The following KIF26A variants were observed in gnomAD, a reference collection of about 807,000 sequenced individuals.
The protein encoded by KIF26A is kinesin family member 26A, also known as kinesin-like protein KIF26A.
KIF26A carries 74 observed loss-of-function variants against 126.0 expected under a neutral mutation model. That is an observed-to-expected ratio of 0.59 (90% CI 0.49 to 0.71). The LOEUF is 0.71. Ranked by LOEUF, KIF26A falls within the 30% of genes least tolerant of loss-of-function variation. KIF26A has a pLI of 0.00. For missense variants in KIF26A, 2,984 were observed against 2,763.3 expected (o/e 1.08, Z -1.79); for synonymous variants, 1,445 against 1,232.7 (o/e 1.17, Z -3.61).
intron 4 of KIF26A, among the ~76,000 whole-genome samples, chr14:104,161,434 G>A (rs1005387461): frequency 5.3e-5 from 8 of 152,190 alleles, no homozygotes; most frequent in Non-Finnish European, 1.0e-4. Flanking sequence ...GTAATTAAGG[G>A]CCTCACCATC....
At position 104,175,647 on chromosome 14, in the gene KIF26A, C is replaced by A. The variant is rs368544866; in HGVS notation, c.2859C>A (p.Pro953=). The change falls in exon 12 of 15, where the codon CCC becomes CCA. Residue 953 remains proline, a synonymous_variant. Transcript: ENST00000423312. ...GGRRPLPSPA[P]PPPQLLEACR... Reference sequence around the variant, plus strand: ...GGAGGCCACTGCCCAGCCCGGCTCCCCCACCTCCTCAGTTGCTGGAAGCCT... The same window carrying A: ...GGAGGCCACTGCCCAGCCCGGCTCCACCACCTCCTCAGTTGCTGGAAGCCT... 2 of 1,610,164 alleles carry A rather than the reference C, an allele frequency of 1.2e-6. No homozygotes were observed. The highest frequency in any genetic ancestry group is 1.7e-6 in the Non-Finnish European group (2 of 1,179,354).
intron 5 of KIF26A, among the ~76,000 whole-genome samples, chr14:104,168,388 C>G (rs966951732): frequency 6.6e-6 from 1 of 152,228 alleles, no homozygotes; most frequent in Non-Finnish European, 1.5e-5. Flanking sequence ...CAGGGCAGCC[C>G]TGGCCTGAAT....
chr14:104,162,827 C>G (rs867812952), intron 4 of KIF26A, among the ~76,000 whole-genome samples: 1 of 152,160 alleles, frequency 6.6e-6, no homozygotes, highest in East Asian at 1.9e-4. Context: ...GCTCCCTGTC[C>G]CTTATAGGGG....
At chr14:104,165,459 G>A (rs62644843) in intron 4 of KIF26A, among the ~76,000 whole-genome samples, 2,295 of 147,354 alleles carry the variant, frequency 0.016, 101 homozygotes, top group African/African-American at 0.055. Flanking sequence ...TTCTGTATGC[G>A]TGTGTGTGTG....
chr14:104,146,576 C>G (rs894105573), intron 2 of KIF26A, among the ~76,000 whole-genome samples: 3 of 152,054 alleles, frequency 2.0e-5, no homozygotes, highest in Non-Finnish European at 4.4e-5. Context: ...TGCTGCCCCA[C>G]GTGGTGGGGA....
intron 1 of KIF26A, 55 bp from the exon 2 acceptor site, chr14:104,138,988 T>C: frequency 7.6e-7 from 1 of 1,322,194 alleles, no homozygotes; most frequent in Non-Finnish European, 9.6e-7. Context: ...CGCAGGGGTC[T>C]GGATCCGACG....
chr14:104,142,723 G>C (rs555209447), intron 2 of KIF26A, among the ~76,000 whole-genome samples: 5 of 152,284 alleles, frequency 3.3e-5, no homozygotes, highest in Admixed American at 3.3e-4. Flanking sequence ...ACCGCAAACT[G>C]TTGTGGCAGA....
chr14:104,176,718 C>T lies in KIF26A; in HGVS notation c.3930C>T (p.Ala1310=), dbSNP rs762066857. Residue 1310 remains alanine, a synonymous_variant, in exon 12 of 15, where the codon GCC becomes GCT. Coordinates refer to ENST00000423312, the MANE Select transcript of KIF26A (RefSeq NM_015656.2). ...VARIPPLRRG[A]TTLGVTTPAV... The stretch of plus-strand genomic sequence containing the variant: ...GGATCCCACCGCTGCGGAGGGGTGC[C>T]ACCACGCTGGGTGTGACAACGCCAG... 1 of 1,585,226 alleles carries T rather than the reference C, an allele frequency of 6.3e-7. No individual in the cohort carries two copies. The highest frequency in any genetic ancestry group is 1.1e-5 in the South Asian group (1 of 87,824).
chr14:104,172,488 G>GCATGTGCCAGGACAGAC, intron 6 of KIF26A, 87 bp from the exon 7 acceptor site: 1 of 897,442 alleles, frequency 1.1e-6, no homozygotes, highest in Non-Finnish European at 1.7e-6. Context: ...TCGACTGCCT[G>GCATGTGCCAGGACAGAC]CATGTGCCAG....
In KIF26A at chr14:104,171,752, A is replaced by G; in HGVS notation, c.1143A>G (p.Ala381=). 6.3e-7 allele frequency: 1 copy of G among 1,580,084 alleles called. No homozygotes were observed. Among genetic ancestry groups the G allele is most frequent in the Non-Finnish European group, 8.6e-7 (1 of 1,164,298 alleles). ...AGGTTATGCTGCGGATCTGGCCCGC[A>G]CAGGGGGCCCAGCGCTCGGCCGAGG... ...KVKVMLRIWP[A]QGAQRSAEAM... is the part of the protein sequence containing the mutation. Residue 381 remains alanine, a synonymous_variant, in exon 6 of 15, where the codon GCA becomes GCG. Transcript: ENST00000423312.
intron 3 of KIF26A, among the ~76,000 whole-genome samples, 176 bp from the exon 4 acceptor site, chr14:104,157,579 C>T (rs1314469335): frequency 3.3e-5 from 5 of 152,182 alleles, no homozygotes; most frequent in Admixed American, 3.3e-4. Flanking sequence ...GGCCTCTCTG[C>T]CAGCCCTGAT....
intron 2 of KIF26A, among the ~76,000 whole-genome samples, chr14:104,143,549 G>T (rs2141088811): frequency 6.6e-6 from 1 of 152,338 alleles, no homozygotes; most frequent in Non-Finnish European, 1.5e-5. Context: ...CTGGATGGAT[G>T]GGGGCATCTC....
Position 104,152,523 on chromosome 14 carries a change from G to A in KIF26A, c.735+62G>A, listed in dbSNP as rs1317326327. On this transcript the variant is annotated intron_variant, in intron 3 of 14. Transcript: ENST00000423312. The surrounding 1 kb of genome is among the most constrained non-coding windows in gnomAD (Gnocchi z 5.9). ...TCCTTGTCAGAACTGGGCTTCCTTC[G>A]GGGGTCTCTGTCCACGTTGAGTGCC... The A allele has an allele frequency of 5.5e-6, 8 of 1,446,962 alleles. No individual in the cohort carries two copies. Among genetic ancestry groups the A allele is most frequent in the Middle Eastern group, 2.5e-4 (1 of 4,034 alleles). The allele number at this position is 1,446,962 out of a possible 1,614,324, so 89.6% of individuals were successfully genotyped here.
intron 11 of KIF26A, among the ~76,000 whole-genome samples, chr14:104,174,522 A>C (rs948750622): frequency 6.6e-6 from 1 of 152,108 alleles, no homozygotes. Context: ...CAGTGGGCAG[A>C]ATCGGGGCTT....
Position 104,152,742 on chromosome 14 carries a change from C to G in KIF26A, c.735+281C>G, listed in dbSNP as rs577339678. Among the ~76,000 whole-genome samples, 1 of 152,204 alleles carries G rather than the reference C, an allele frequency of 6.6e-6. No individual in the cohort carries two copies. Among genetic ancestry groups the G allele is most frequent in the African/African-American group, 2.4e-5 (1 of 41,450 alleles). ...TTTGAGACTGGGGCTGAGGGCCCAC[C>G]AGTGCCCAGCACAGGGCTTGGCGAT... is the stretch of plus-strand genomic sequence containing the variant. On this transcript the variant is annotated intron_variant, in intron 3 of 14. Transcript: ENST00000423312. The surrounding 1 kb of genome is among the most constrained non-coding windows in gnomAD (Gnocchi z 5.9).
At chr14:104,173,275 G>A (rs1296265469) in intron 8 of KIF26A, 36 bp downstream of exon 8, 2 of 1,601,494 alleles carry the variant, frequency 1.2e-6, no homozygotes, top group Admixed American at 1.7e-5. Context: ...GGGGGAGGGG[G>A]GCTGCACTTG....
rs755284987 is a variant in KIF26A at position 104,176,745 on chromosome 14, T to C, written c.3957T>C (p.Ala1319=). The change falls in exon 12 of 15, where the codon GCT becomes GCC. Residue 1319 remains alanine (A), a synonymous_variant. Coordinates refer to ENST00000423312, the MANE Select transcript of KIF26A (RefSeq NM_015656.2). ...CCACGCTGGGTGTGACAACGCCAGC[T>C]GTGTCCTGGGGAGATGCTCCCACGG... ...GATTLGVTTP[A]VSWGDAPTEV... is the part of the protein sequence containing the mutation. 5.4e-5 allele frequency: 85 copies of C among 1,587,366 alleles called. No homozygotes were observed. The highest frequency in any genetic ancestry group is 6.4e-5 in the Non-Finnish European group (75 of 1,168,234).
rs1199485596 is a variant in KIF26A, at chr14:104,177,487, G to A, written c.4699G>A (p.Val1567Ile). 1.6e-5 allele frequency: 24 copies of A among 1,533,534 alleles called. No individual in the cohort carries two copies. The highest frequency in any genetic ancestry group is 2.7e-5 in the African/African-American group (2 of 72,738). 95.0% of individuals were successfully genotyped at this position (1,533,534 alleles called of 1,614,324 possible). A position where few individuals can be genotyped will look rare whatever the true frequency, so the allele number is the denominator to read the frequency against. The stretch of plus-strand genomic sequence containing the variant: ...GGCGCTCCGGGCTGCTCACAGCCGC[G>A]TCCATGAGCTGTCAGCCAGTGGAGC... ...KQALRAAHSR[V>I]HELSASGAPG... The change falls in exon 12 of 15, where the codon GTC (valine) becomes ATC (isoleucine). Residue 1567 changes from valine to isoleucine, a missense_variant. Physicochemically the swap from Val to Ile is conservative, Grantham distance 29. Transcript: ENST00000423312.
In KIF26A at chr14:104,171,750, G is replaced by A. The variant is rs769390689; in HGVS notation, c.1141G>A (p.Ala381Thr). 9.5e-6 allele frequency: 15 copies of A among 1,578,646 alleles called. No homozygotes were observed. Among genetic ancestry groups the A allele is most frequent in the African/African-American group, 9.4e-5 (7 of 74,146 alleles). ...KVKVMLRIWP[A>T]QGAQRSAEAM... ...GAAGGTTATGCTGCGGATCTGGCCCGCACAGGGGGCCCAGCGCTCGGCCGA... is the reference window on the plus strand; with the variant it reads ...GAAGGTTATGCTGCGGATCTGGCCCACACAGGGGGCCCAGCGCTCGGCCGA... The change falls in exon 6 of 15, where the codon GCA (alanine) becomes ACA (threonine). Residue 381 changes from alanine to threonine, a missense_variant. By Grantham distance (58) the Ala-to-Thr change is moderately conservative. Transcript: ENST00000423312.
Sources: gnomAD v4.1 joint callset for allele counts (sites outside exome capture counted in the v4.1 genomes callset) on GRCh38, gnomAD v4.1.1 for gene constraint, Gnocchi (gnomAD v3.1) non-coding constraint, MANE v1.5 for transcripts, NCBI Gene and HGNC (gene_info 2026-07-23, HGNC 2026-07-21) for gene names.